Variants in AOPEP observed in about 807,000 individuals in gnomAD.
The protein encoded by AOPEP is aminopeptidase O.
In AOPEP, 77 loss-of-function variants were observed where a neutral mutation model predicts 98.1. The ratio of observed to expected loss-of-function variants is 0.78; its 90% confidence interval spans 0.65 to 0.95. The LOEUF (loss-of-function observed/expected upper bound fraction) is 0.95. Ranked by LOEUF, AOPEP falls within the 40% of genes least tolerant of loss-of-function variation. The probability of loss-of-function intolerance (pLI) is 0.00; values close to 1 mark genes in which losing one functional copy is unlikely to be tolerated. For missense variants in AOPEP, 1,024 were observed against 1,024.7 expected (o/e 1.00, Z 0.01); for synonymous variants, 346 against 365.3 (o/e 0.95, Z 0.60).
intron 13 of AOPEP, among the ~76,000 whole-genome samples, chr9:95,025,624 C>T (rs974528862): frequency 2.6e-5 from 4 of 152,142 alleles, no homozygotes; most frequent in South Asian, 2.1e-4. Flanking sequence ...TTGGTATTTT[C>T]GTTTTGTATA....
intron 5 of AOPEP, among the ~76,000 whole-genome samples, chr9:94,827,170 T>C (rs1003847398): frequency 6.6e-6 from 1 of 152,202 alleles, no homozygotes; most frequent in African/African-American, 2.4e-5. Context: ...GAGCTGGAGC[T>C]CTGGAACCCC....
chr9:94,750,579 G>A (rs370170677), intron 1 of AOPEP, among the ~76,000 whole-genome samples: 10 of 151,644 alleles, frequency 6.6e-5, no homozygotes, highest in South Asian at 2.1e-4. Context: ...GCGAGACTCC[G>A]TCTCAAAAAA....
chr9:94,887,973 C>T (rs1564326100), intron 5 of AOPEP, among the ~76,000 whole-genome samples: 1 of 152,096 alleles, frequency 6.6e-6, no homozygotes, highest in Non-Finnish European at 1.5e-5. Flanking sequence ...TGAAAGCTAT[C>T]CAAGTATAAG....
At chr9:94,966,000 A>G (rs934621222) in intron 9 of AOPEP, among the ~76,000 whole-genome samples, 2 of 147,846 alleles carry the variant, frequency 1.4e-5, no homozygotes, top group Non-Finnish European at 3.0e-5. Context: ...TCTGCAGTTC[A>G]CTGGGTGTCA....
the AOPEP span, among the ~76,000 whole-genome samples, chr9:95,097,572 G>A: frequency 4.6e-5 from 7 of 152,340 alleles, no homozygotes; most frequent in South Asian, 2.1e-4. Context: ...GCTGCTGGCC[G>A]GCTCACACCA....
rs188200063 is a variant in AOPEP at position 94,803,889 on chromosome 9, T to C, written c.1364+2887T>C. 1.2e-3 allele frequency among the ~76,000 whole-genome samples: 186 copies of C among 152,314 alleles called. 1 individual carries two copies. The highest frequency in any genetic ancestry group is 1.9e-3 in the Admixed American group (29 of 15,302). On this transcript the variant is annotated intron_variant, in intron 5 of 16. Transcript: ENST00000375315. ...GGCTTTCAGTTTTTGTTTCATTGTG[T>C]TTTTGCCTTCCATGAAGACTGAATC...
chr9:95,135,329 C>T, the AOPEP span: 1 of 1,613,110 alleles, frequency 6.2e-7, no homozygotes, highest in Non-Finnish European at 8.5e-7. Flanking sequence ...TTCCCTTCAT[C>T]AAAACCCAGT....
the AOPEP span, chr9:95,123,299 G>C: frequency 3.4e-6 from 1 of 295,312 alleles, no homozygotes. Flanking sequence ...GTAAGAGCCT[G>C]TCTCAAAAAA....
intron 5 of AOPEP, among the ~76,000 whole-genome samples, chr9:94,917,801 A>G (rs576306673): frequency 6.6e-6 from 1 of 151,578 alleles, no homozygotes; most frequent in South Asian, 2.1e-4. Context: ...TTTGTTACCT[A>G]TATCTGCTAC....
At chr9:95,111,018 C>A in the AOPEP span, 1 of 1,438,480 alleles carries the variant, frequency 7.0e-7, no homozygotes. Context: ...TTGACTGATC[C>A]AAGAAAGGAG....
At chr9:95,140,399 A>G in the AOPEP span, among the ~76,000 whole-genome samples, 1 of 152,190 alleles carries the variant, frequency 6.6e-6, no homozygotes, top group Non-Finnish European at 1.5e-5. Context: ...ATCCTTTACA[A>G]AAAGAGGTAG....
At chr9:95,019,189 G>A (rs2063263189) in intron 13 of AOPEP, 1 of 152,174 alleles carries the variant, frequency 6.6e-6, no homozygotes, top group Admixed American at 6.5e-5. Flanking sequence ...GAGTTGTTGT[G>A]TTTATTCCCT....
At chr9:95,057,409 C>T (rs2066920393) in intron 13 of AOPEP, among the ~76,000 whole-genome samples, 5 of 152,372 alleles carry the variant, frequency 3.3e-5, no homozygotes, top group Admixed American at 6.5e-5. Flanking sequence ...CCGGGCTCCT[C>T]GTACCACCCG....
chr9:94,940,800 C>T (rs568428604), intron 7 of AOPEP, among the ~76,000 whole-genome samples: 48 of 152,172 alleles, frequency 3.2e-4, no homozygotes, highest in African/African-American at 1.1e-3. Context: ...CAGCCTGGCT[C>T]GTCCCCTCAT....
intron 14 of AOPEP, among the ~76,000 whole-genome samples, chr9:95,079,482 G>A (rs961519640): frequency 2.0e-5 from 3 of 152,256 alleles, no homozygotes; most frequent in Non-Finnish European, 4.4e-5. Context: ...TTCAGTGATG[G>A]AGTATAAAAT....
chr9:94,826,828 G>C (rs1474135109), intron 5 of AOPEP, among the ~76,000 whole-genome samples: 1 of 152,258 alleles, frequency 6.6e-6, no homozygotes, highest in East Asian at 1.9e-4. Flanking sequence ...CAGTGGAAGT[G>C]GGGGAGGTGA....
chr9:95,097,256 A>G, the AOPEP span, among the ~76,000 whole-genome samples: 7 of 152,380 alleles, frequency 4.6e-5, no homozygotes, highest in African/African-American at 1.7e-4. Flanking sequence ...GCTAAAGTAT[A>G]GATGCTGTAA....
chr9:95,109,501 G>A, the AOPEP span: 1 of 151,758 alleles, frequency 6.6e-6, no homozygotes, highest in South Asian at 2.1e-4. Context: ...ATTCTTAAGG[G>A]TATCTAAACG....
chr9:94,864,140 A>C (rs1003360677), intron 5 of AOPEP, among the ~76,000 whole-genome samples: 2 of 152,210 alleles, frequency 1.3e-5, no homozygotes, highest in Non-Finnish European at 2.9e-5. Context: ...CACTTTTTGC[A>C]TCTGCTATGT....
Sources: gnomAD v4.1 joint callset for allele counts (sites outside exome capture counted in the v4.1 genomes callset) on GRCh38, gnomAD v4.1.1 for gene constraint, MANE v1.5 for transcripts, NCBI Gene and HGNC (gene_info 2026-07-23, HGNC 2026-07-21) for gene names.